The following ST3GAL4 variants were observed in gnomAD, a reference collection of about 807,000 sequenced individuals.
ST3GAL4 encodes CMP-N-acetylneuraminate-beta-galactosamide-alpha-2,3-sialyltransferase 4.
ST3GAL4 carries 24 observed loss-of-function variants against 42.6 expected under a neutral mutation model. That is an observed-to-expected ratio of 0.56 (90% CI 0.41 to 0.79). ST3GAL4 has a LOEUF of 0.79. ST3GAL4 is among the 30% of genes least tolerant of loss of function. ST3GAL4 has a pLI of 0.00. For missense variants in ST3GAL4, 311 were observed against 430.8 expected (o/e 0.72, Z 2.46); for synonymous variants, 135 against 163.2 (o/e 0.83, Z 1.32).
chr11:126,412,887 G>C (rs1394878849), intron 9 of ST3GAL4, among the ~76,000 whole-genome samples: 1 of 152,228 alleles, frequency 6.6e-6, no homozygotes, highest in East Asian at 1.9e-4. Flanking sequence ...GTTTTTGTGA[G>C]ACTAGATGAG....
chr11:126,372,130 T>C (rs1952678401), intron 1 of ST3GAL4, among the ~76,000 whole-genome samples: 1 of 152,236 alleles, frequency 6.6e-6, no homozygotes, highest in Non-Finnish European at 1.5e-5. Context: ...TAAGTACATT[T>C]AGAATGTGCT....
Position 126,406,117 on chromosome 11 carries a change from G to A in ST3GAL4, c.-39G>A, listed in dbSNP as rs1415920357. On this transcript the variant is annotated 5_prime_UTR_variant, in exon 2 of 11. An upstream start codon of the reference 5' UTR is lost. Transcript: ENST00000444328. This position sits in a 1 kb window ranked among gnomAD's most constrained non-coding sequence, Gnocchi z 5.4. ...CTAGGTGGCCCGAGGCAGCCGGGATGACAGCTCTCCCCAGGAATCCTGCTG... is the reference window on the plus strand; with the variant it reads ...CTAGGTGGCCCGAGGCAGCCGGGATAACAGCTCTCCCCAGGAATCCTGCTG... 1 of 1,552,098 alleles carries A rather than the reference G, an allele frequency of 6.4e-7. No individual in the cohort carries two copies. The highest frequency in any genetic ancestry group is 2.4e-5 in the East Asian group (1 of 40,938).
At chr11:126,390,854 C>T (rs1260605918) in intron 1 of ST3GAL4, among the ~76,000 whole-genome samples, 1 of 109,358 alleles carries the variant, frequency 9.1e-6, no homozygotes, top group Non-Finnish European at 1.9e-5. Context: ...TTTCCGCCTC[C>T]CCCCAGCCCT....
intron 1 of ST3GAL4, among the ~76,000 whole-genome samples, chr11:126,387,567 C>G (rs753116286): frequency 6.6e-6 from 1 of 151,778 alleles, no homozygotes; most frequent in Non-Finnish European, 1.5e-5. Context: ...GTCGCAGCCA[C>G]TGGGGAGGCT....
In ST3GAL4 at chr11:126,410,546, A is replaced by G. The variant is rs1286857965; in HGVS notation, c.771+1135A>G. Among the ~76,000 whole-genome samples the G allele has an allele frequency of 6.6e-6, 1 of 152,212 alleles. No homozygotes were observed. Among genetic ancestry groups the G allele is most frequent in the Non-Finnish European group, 1.5e-5 (1 of 68,042 alleles). On this transcript the variant is annotated intron_variant, in intron 9 of 10. Coordinates refer to ENST00000444328, the MANE Select transcript of ST3GAL4 (RefSeq NM_001254757.2). The surrounding 1 kb of genome is among the most constrained non-coding windows in gnomAD (Gnocchi z 5.3). ...CTGTTGTAGGAGTTTGAAAAATAAT[A>G]ATGATGTAAAATACCTATTCTGGAG...
At chr11:126,388,554 A>G (rs1953326328) in intron 1 of ST3GAL4, among the ~76,000 whole-genome samples, 1 of 151,012 alleles carries the variant, frequency 6.6e-6, no homozygotes. Flanking sequence ...CTGGTCTCGA[A>G]CTCATGACCT....
At position 126,363,191 on chromosome 11, in the gene ST3GAL4, C is replaced by T. The variant is rs1381162414; in HGVS notation, c.-61+7349C>T. ...GGGCCGTTTCTCTAGACCTCCTGCC[C>T]CCATCTCCTTCCTGTCCCTGTTTGA... is the stretch of plus-strand genomic sequence containing the variant. On this transcript the variant is annotated intron_variant, in intron 1 of 10. Transcript: ENST00000444328. The surrounding 1 kb of genome is among the most constrained non-coding windows in gnomAD (Gnocchi z 4.6). 6.6e-6 allele frequency among the ~76,000 whole-genome samples: 1 copy of T among 152,194 alleles called. No homozygotes were observed. The highest frequency in any genetic ancestry group is 6.5e-5 in the Admixed American group (1 of 15,286).
intron 1 of ST3GAL4, among the ~76,000 whole-genome samples, chr11:126,365,761 G>A (rs570561900): frequency 1.5e-4 from 23 of 152,326 alleles, no homozygotes; most frequent in East Asian, 1.4e-3. Context: ...TTTGGGTGCC[G>A]GGTGGGCTGA....
In ST3GAL4 at chr11:126,406,764, G is replaced by T; in HGVS notation, c.102-179G>T. The T allele has an allele frequency of 1.1e-6, 1 of 932,190 alleles. No individual in the cohort carries two copies. The highest frequency in any genetic ancestry group is 1.6e-6 in the Non-Finnish European group (1 of 620,360). 57.7% of individuals were successfully genotyped at this position (932,190 alleles called of 1,614,324 possible). On this transcript the variant is annotated intron_variant, in intron 3 of 10. Transcript: ENST00000444328. This position sits in a 1 kb window ranked among gnomAD's most constrained non-coding sequence, Gnocchi z 5.4. ...GTCTCACTGGGCCCTCACCCAGGGAGTGCAGGGGCAGGAAGACCTGGATCC... is the reference window on the plus strand; with the variant it reads ...GTCTCACTGGGCCCTCACCCAGGGATTGCAGGGGCAGGAAGACCTGGATCC...
rs1953238072 is a variant in ST3GAL4 at position 126,386,671 on chromosome 11, G to T, written c.-60-19425G>T. ...GAAGCCACACCTGCTCATGAGAAGGGTATCCTTGTGAGTACAGGGGAAATG... is the reference window on the plus strand; with the variant it reads ...GAAGCCACACCTGCTCATGAGAAGGTTATCCTTGTGAGTACAGGGGAAATG... On this transcript the variant is annotated intron_variant, in intron 1 of 10. Transcript: ENST00000444328. The surrounding 1 kb of genome is among the most constrained non-coding windows in gnomAD (Gnocchi z 4.7). 6.6e-6 allele frequency among the ~76,000 whole-genome samples: 1 copy of T among 152,132 alleles called. No individual in the cohort carries two copies. Among genetic ancestry groups the T allele is most frequent in the Non-Finnish European group, 1.5e-5 (1 of 68,024 alleles).
At chr11:126,390,789 A>G (rs12804228) in intron 1 of ST3GAL4, among the ~76,000 whole-genome samples, 13,275 of 150,774 alleles carry the variant, frequency 0.088, 877 homozygotes, top group Admixed American at 0.19. Context: ...CATCTCCCGA[A>G]CTCTCTTCAT....
chr11:126,384,679 T>C lies in ST3GAL4; in HGVS notation c.-60-21417T>C. On this transcript the variant is annotated intron_variant, in intron 1 of 10. Coordinates refer to ENST00000444328, the MANE Select transcript of ST3GAL4 (RefSeq NM_001254757.2). This position sits in a 1 kb window ranked among gnomAD's most constrained non-coding sequence, Gnocchi z 5.5. ...ACAGACAGATGGAGAGCCACCTCCC[T>C]AGGGGCCTCCTCCCCCTCCCCTTCT... 1.0e-6 allele frequency: 1 copy of C among 985,158 alleles called. No individual in the cohort carries two copies. The highest frequency in any genetic ancestry group is 1.2e-6 in the Non-Finnish European group (1 of 829,760). 61.0% of individuals were successfully genotyped at this position (985,158 alleles called of 1,614,324 possible).
At position 126,384,121 on chromosome 11, in the gene ST3GAL4, G is replaced by A. The variant is rs1273868688; in HGVS notation, c.-60-21975G>A. Among the ~76,000 whole-genome samples, 1 of 152,186 alleles carries A rather than the reference G, an allele frequency of 6.6e-6. No individual in the cohort carries two copies. Among genetic ancestry groups the A allele is most frequent in the East Asian group, 1.9e-4 (1 of 5,188 alleles). ...TGCTGGCTCCTAATGGGACTAATGG[G>A]ATTTCAGGTGTGGACCCTTGGACCC... On this transcript the variant is annotated intron_variant, in intron 1 of 10. Transcript: ENST00000444328. This position sits in a 1 kb window ranked among gnomAD's most constrained non-coding sequence, Gnocchi z 5.5.
chr11:126,376,980 G>C lies in ST3GAL4; in HGVS notation c.-61+21138G>C, dbSNP rs1952849150. The C allele has an allele frequency of 6.6e-6, 1 of 152,122 alleles. No homozygotes were observed. Among genetic ancestry groups the C allele is most frequent in the Admixed American group, 6.5e-5 (1 of 15,272 alleles). 9.4% of individuals were successfully genotyped at this position (152,122 alleles called of 1,614,324 possible). On this transcript the variant is annotated intron_variant, in intron 1 of 10. Coordinates refer to ENST00000444328, the MANE Select transcript of ST3GAL4 (RefSeq NM_001254757.2). This position sits in a 1 kb window ranked among gnomAD's most constrained non-coding sequence, Gnocchi z 5.1. ...TGAGAGAATACAAGGCACCAGGGGG[G>C]TAAACATAATAATTATAAGGAGAAT...
At chr11:126,374,099 G>A (rs1952748675) in intron 1 of ST3GAL4, among the ~76,000 whole-genome samples, 2 of 151,828 alleles carry the variant, frequency 1.3e-5, no homozygotes, top group Admixed American at 1.3e-4. Context: ...AGCAGGGGAG[G>A]GGGCCTGCAG....
chr11:126,402,455 A>G (rs2135526378), intron 1 of ST3GAL4, among the ~76,000 whole-genome samples: 1 of 151,362 alleles, frequency 6.6e-6, no homozygotes, highest in South Asian at 2.1e-4. Flanking sequence ...CTGTCTGAAA[A>G]AAAAAAAAAA....
intron 1 of ST3GAL4, chr11:126,403,222 T>G: frequency 3.8e-6 from 1 of 266,376 alleles, no homozygotes; most frequent in Non-Finnish European, 5.8e-6. Context: ...TCGCCCAGTT[T>G]GCTTAGCGCA....
At chr11:126,390,618 C>CTTTTTTTTTTTTTT (rs58153137) in intron 1 of ST3GAL4, among the ~76,000 whole-genome samples, 41 of 126,664 alleles carry the variant, frequency 3.2e-4, no homozygotes, top group African/African-American at 5.1e-4. Flanking sequence ...GTGTTCTTTG[C>CTTTTTTTTTTTTTT]TTTTTTTTTT....
In ST3GAL4 at chr11:126,379,121, C is replaced by T. The variant is rs149709719; in HGVS notation, c.-61+23279C>T. ...GGAAGGATACCAACCCTTTTCATAA[C>T]GCCATTTTCCTGAATTGCTCACTCA... On this transcript the variant is annotated intron_variant, in intron 1 of 10. Transcript: ENST00000444328. The surrounding 1 kb of genome is among the most constrained non-coding windows in gnomAD (Gnocchi z 4.2). 2.5e-4 allele frequency among the ~76,000 whole-genome samples: 38 copies of T among 152,342 alleles called. No homozygotes were observed. The highest frequency in any genetic ancestry group is 4.3e-4 in the Non-Finnish European group (29 of 68,046).
Sources: gnomAD v4.1 joint callset for allele counts (sites outside exome capture counted in the v4.1 genomes callset) on GRCh38, gnomAD v4.1.1 for gene constraint, Gnocchi (gnomAD v3.1) non-coding constraint, MANE v1.5 for transcripts, NCBI Gene and HGNC (gene_info 2026-07-23, HGNC 2026-07-21) for gene names.